The following TPST2 variants were observed in gnomAD, a reference collection of about 807,000 sequenced individuals.
TPST2 encodes tyrosylprotein sulfotransferase 2, also known as protein-tyrosine sulfotransferase 2.
Under a neutral mutation model 27.8 loss-of-function variants are expected in TPST2, and 16 were observed. That is an observed-to-expected ratio of 0.58 (90% CI 0.39 to 0.88). The LOEUF (loss-of-function observed/expected upper bound fraction) is 0.88. TPST2 is among the 40% of genes least tolerant of loss of function. The pLI, the probability that TPST2 is intolerant of heterozygous loss-of-function variation, is 0.00. For missense variants in TPST2, 464 were observed against 543.1 expected, an observed-to-expected ratio of 0.85 and a Z score of 1.45; for synonymous variants, 229 against 231.7, an observed-to-expected ratio of 0.99 and a Z score of 0.10.
chr22:26,553,753 G>T (rs145646445), intron 1 of TPST2, among the ~76,000 whole-genome samples: 202 of 152,220 alleles, frequency 1.3e-3, no homozygotes, highest in African/African-American at 4.6e-3. Flanking sequence ...TATATAAAAT[G>T]ATGTAATATT....
intron 2 of TPST2, among the ~76,000 whole-genome samples, chr22:26,542,466 C>T (rs775247169): frequency 5.9e-5 from 9 of 152,110 alleles, no homozygotes; most frequent in Non-Finnish European, 8.8e-5. Context: ...CATGAGTTAC[C>T]CCATCTGGCC....
At chr22:26,529,704 G>C (rs73880120) in intron 5 of TPST2, among the ~76,000 whole-genome samples, 1,937 of 152,282 alleles carry the variant, frequency 0.013, 22 homozygotes, top group African/African-American at 0.018. Context: ...TACGCTTCTT[G>C]CATTTGACTG....
At chr22:26,536,251 C>G (rs375814805) in intron 4 of TPST2, 37 bp downstream of exon 4, 1 of 1,611,942 alleles carries the variant, frequency 6.2e-7, no homozygotes, top group Non-Finnish European at 8.5e-7. Context: ...CCCATATCCC[C>G]AAGAGTACAC....
chr22:26,558,166 C>CGT (rs1926904082), intron 1 of TPST2, among the ~76,000 whole-genome samples: 1 of 143,662 alleles, frequency 7.0e-6, no homozygotes, highest in Non-Finnish European at 1.5e-5. Context: ...CACACACACA[C>CGT]ATATATATGT....
chr22:26,587,715 A>AT (rs1347737187), intron 1 of TPST2, among the ~76,000 whole-genome samples: 1 of 152,188 alleles, frequency 6.6e-6, no homozygotes, highest in East Asian at 1.9e-4. Context: ...CACTAAATGT[A>AT]TTTAAGATTA....
chr22:26,529,235 T>C (rs1925016677), intron 5 of TPST2, among the ~76,000 whole-genome samples: 1 of 152,082 alleles, frequency 6.6e-6, no homozygotes, highest in Admixed American at 6.5e-5. Flanking sequence ...CAAGCAATTC[T>C]CCTGCCTCAG....
intron 4 of TPST2, 75 bp from the exon 5 acceptor site, chr22:26,532,820 C>T (rs963181263): frequency 2.1e-6 from 3 of 1,413,900 alleles, no homozygotes; most frequent in African/African-American, 2.8e-5. Context: ...CCAACACATC[C>T]AGTCATCCAC....
chr22:26,553,741 C>G (rs985873130), intron 1 of TPST2, among the ~76,000 whole-genome samples: 1 of 152,102 alleles, frequency 6.6e-6, no homozygotes, highest in Non-Finnish European at 1.5e-5. Context: ...CATCAAGTCC[C>G]TTATATAAAA....
At chr22:26,589,821 G>A (rs1451478350) in intron 1 of TPST2, among the ~76,000 whole-genome samples, 1 of 152,040 alleles carries the variant, frequency 6.6e-6, no homozygotes, top group Non-Finnish European at 1.5e-5. Flanking sequence ...CGCACCCCGC[G>A]GAAAGCGCTC....
At chr22:26,538,446 G>T (rs1925602314) in intron 3 of TPST2, among the ~76,000 whole-genome samples, 2 of 152,220 alleles carry the variant, frequency 1.3e-5, no homozygotes, top group African/African-American at 4.8e-5. Context: ...AGTAAAACTG[G>T]AAATAACCGA....
chr22:26,534,583 A>C (rs1391023206), intron 4 of TPST2, among the ~76,000 whole-genome samples: 1 of 152,196 alleles, frequency 6.6e-6, no homozygotes, highest in Non-Finnish European at 1.5e-5. Flanking sequence ...AGGGGCAGCG[A>C]GCCACCTTTT....
rs1362181335 is a variant in TPST2, at chr22:26,524,729, T to G, written c.*1546A>C. 6.6e-6 allele frequency: 1 copy of G among 152,174 alleles called. No homozygotes were observed. Among genetic ancestry groups the G allele is most frequent in the East Asian group, 1.9e-4 (1 of 5,202 alleles). The allele number at this position is 152,174 out of a possible 1,614,324, so 9.4% of individuals were successfully genotyped here. A position where few individuals can be genotyped will look rare whatever the true frequency, so the allele number is the denominator to read the frequency against. ...TTAACCCTTAAAGATACAAACTTAT[T>G]GTAGGCCCAGTTGGTCCCTCAGCAT... On this transcript the variant is annotated 3_prime_UTR_variant, in exon 7 of 7. Transcript: ENST00000338754.
intron 3 of TPST2, among the ~76,000 whole-genome samples, chr22:26,537,673 G>T (rs1235545532): frequency 6.6e-6 from 1 of 151,994 alleles, no homozygotes; most frequent in South Asian, 2.1e-4. Flanking sequence ...GGCTGGTCTC[G>T]AACTCCTGAC....
intron 1 of TPST2, among the ~76,000 whole-genome samples, chr22:26,572,459 A>G (rs773238571): frequency 4.6e-5 from 7 of 152,030 alleles, no homozygotes; most frequent in Non-Finnish European, 8.8e-5. Context: ...CTCTTACATA[A>G]TCCAATAAAT....
At chr22:26,583,966 A>G (rs1167053131) in intron 1 of TPST2, among the ~76,000 whole-genome samples, 4 of 152,282 alleles carry the variant, frequency 2.6e-5, no homozygotes, top group Non-Finnish European at 1.5e-5. Context: ...GGGGAACCAC[A>G]GTGACTGGGA....
Position 26,536,494 on chromosome 22 carries a change from G to A in TPST2, c.843-8C>T, listed in dbSNP as rs1367057091. On this transcript the variant is annotated splice_region_variant and splice_polypyrimidine_tract_variant and intron_variant, in intron 3 of 6. Transcript: ENST00000338754. ...TCCGTGGACCGCTCGATCCTGGGGAGAGAGGAGACGCTGGAGAGGGTAGGG... is the reference window on the plus strand; with the variant it reads ...TCCGTGGACCGCTCGATCCTGGGGAAAGAGGAGACGCTGGAGAGGGTAGGG... The A allele has an allele frequency of 6.6e-7, 1 of 1,511,084 alleles. No individual in the cohort carries two copies. The highest frequency in any genetic ancestry group is 1.4e-5 in the South Asian group (1 of 73,496). 93.6% of individuals were successfully genotyped at this position (1,511,084 alleles called of 1,614,324 possible).
chr22:26,522,475 A>G lies in TPST2; in HGVS notation c.*3800T>C, dbSNP rs1924603873. The stretch of plus-strand genomic sequence containing the variant: ...GAACCCCCAAGAAAGGCTCTAGAAC[A>G]AAGCTCTGATTTCACAGTGAGATTA... On this transcript the variant is annotated 3_prime_UTR_variant, in exon 7 of 7. Transcript: ENST00000338754. The G allele has an allele frequency of 6.6e-6, 1 of 152,240 alleles. No individual in the cohort carries two copies. The highest frequency in any genetic ancestry group is 2.4e-5 in the African/African-American group (1 of 41,454). 9.4% of individuals were successfully genotyped at this position (152,240 alleles called of 1,614,324 possible).
At chr22:26,571,198 C>T (rs12169970) in intron 1 of TPST2, among the ~76,000 whole-genome samples, 41,298 of 151,956 alleles carry the variant, frequency 0.27, 5,770 homozygotes, top group African/African-American at 0.31. Context: ...TCTCCAGCCA[C>T]GCTGGCCCCC....
At chr22:26,576,910 C>G (rs565608422) in intron 1 of TPST2, among the ~76,000 whole-genome samples, 5 of 151,736 alleles carry the variant, frequency 3.3e-5, no homozygotes. Flanking sequence ...TCCTGGCTAA[C>G]ACAGTGAAAC....
Sources: gnomAD v4.1 joint callset for allele counts (sites outside exome capture counted in the v4.1 genomes callset) on GRCh38, gnomAD v4.1.1 for gene constraint, MANE v1.5 for transcripts, NCBI Gene and HGNC (gene_info 2026-07-23, HGNC 2026-07-21) for gene names.